Variants in TMEM132C observed in about 807,000 individuals in gnomAD.
TMEM132C encodes transmembrane protein 132C, also known as protein phosphatase 1, regulatory subunit 152.
A neutral mutation model predicts 61.4 loss-of-function variants in TMEM132C; 29 were observed. The ratio of observed to expected loss-of-function variants is 0.47; its 90% CI spans 0.35 to 0.64. The LOEUF (loss-of-function observed/expected upper bound fraction) is 0.64. Ranked by LOEUF, TMEM132C falls within the 30% of genes least tolerant of loss-of-function variation. The pLI, the probability that TMEM132C is intolerant of heterozygous loss-of-function variation, is 0.00. For synonymous variants in TMEM132C, 656 were observed against 633.1 expected, an observed-to-expected ratio of 1.04 and a Z score of -0.54; for missense variants, 1,408 against 1,476.9, an observed-to-expected ratio of 0.95 and a Z score of 0.76.
At chr12:128,575,983 G>C (rs1312140395) in intron 3 of TMEM132C, among the ~76,000 whole-genome samples, 3 of 152,186 alleles carry the variant, frequency 2.0e-5, no homozygotes, top group Non-Finnish European at 4.4e-5. Flanking sequence ...TTCATGGTCA[G>C]GACCTAAACT....
At chr12:128,271,267 T>TAATATAATA (rs140971953) in intron 1 of TMEM132C, among the ~76,000 whole-genome samples, 3 of 143,032 alleles carry the variant, frequency 2.1e-5, no homozygotes, top group Non-Finnish European at 4.5e-5. Flanking sequence ...ATAATAATAA[T>TAATATAATA]ATAATAATAA....
At chr12:128,512,093 TTC>T (rs1473666216) in intron 2 of TMEM132C, among the ~76,000 whole-genome samples, 1 of 152,144 alleles carries the variant, frequency 6.6e-6, no homozygotes, top group Non-Finnish European at 1.5e-5. Flanking sequence ...AGTTTTTTTT[TTC>T]TTTTTCTTTT....
intron 2 of TMEM132C, among the ~76,000 whole-genome samples, chr12:128,493,457 C>T (rs374880515): frequency 3.9e-5 from 6 of 152,160 alleles, no homozygotes; most frequent in African/African-American, 1.4e-4. Context: ...GCCATTTTCA[C>T]AGTATTGATT....
chr12:128,703,232 T>C (rs1954815372), intron 8 of TMEM132C, among the ~76,000 whole-genome samples: 1 of 152,194 alleles, frequency 6.6e-6, no homozygotes. Flanking sequence ...TTGTACAGAT[T>C]ATTTCATGAC....
chr12:128,528,486 T>A (rs1873171350), intron 2 of TMEM132C, among the ~76,000 whole-genome samples: 1 of 152,202 alleles, frequency 6.6e-6, no homozygotes. Flanking sequence ...TGGGCTATTC[T>A]GCTGATCACA....
chr12:128,601,665 T>A (rs1876192971), intron 3 of TMEM132C, among the ~76,000 whole-genome samples: 1 of 149,484 alleles, frequency 6.7e-6, no homozygotes, highest in African/African-American at 2.4e-5. Context: ...GGAGGGCGCT[T>A]GGCGGGTTGG....
chr12:128,515,343 G>C (rs573204357), intron 2 of TMEM132C, among the ~76,000 whole-genome samples: 1 of 152,194 alleles, frequency 6.6e-6, no homozygotes, highest in Non-Finnish European at 1.5e-5. Flanking sequence ...AGCTGCGGCA[G>C]CCTTTCTGTG....
intron 4 of TMEM132C, among the ~76,000 whole-genome samples, chr12:128,631,828 G>T (rs775563224): frequency 2.0e-5 from 3 of 152,164 alleles, no homozygotes; most frequent in Non-Finnish European, 2.9e-5. Context: ...CCAGTAAAAA[G>T]TCTGCCTCTT....
At chr12:128,493,559 C>T (rs571173260) in intron 2 of TMEM132C, among the ~76,000 whole-genome samples, 25 of 152,218 alleles carry the variant, frequency 1.6e-4, no homozygotes, top group African/African-American at 5.5e-4. Flanking sequence ...TTGAAGAGGT[C>T]CTTCACATCC....
intron 4 of TMEM132C, among the ~76,000 whole-genome samples, chr12:128,639,333 G>C (rs1954136479): frequency 1.3e-5 from 2 of 151,950 alleles, no homozygotes; most frequent in African/African-American, 4.8e-5. Context: ...TGATGATGGT[G>C]ATGATGTTGG....
Position 128,429,645 on chromosome 12 carries a change from C to T in TMEM132C, c.974+14025C>T, listed in dbSNP as rs913514803. On this transcript the variant is annotated intron_variant, in intron 2 of 8. Coordinates refer to ENST00000435159, the MANE Select transcript of TMEM132C (RefSeq NM_001136103.3). ...TGTTCACCAAGGAGCAAGGAGCTAA[C>T]CTAGTTAGCCTATACTTTGTAATAA... Among the ~76,000 whole-genome samples the T allele has an allele frequency of 2.0e-4, 31 of 152,254 alleles. No individual in the cohort carries two copies. The East Asian group carries it at 5.8e-3, about 28-fold the overall frequency.
At chr12:128,583,869 A>T (rs958018768) in intron 3 of TMEM132C, among the ~76,000 whole-genome samples, 13 of 152,216 alleles carry the variant, frequency 8.5e-5, no homozygotes, top group African/African-American at 3.1e-4. Flanking sequence ...TCCTGCAGAG[A>T]AAAAGCTGAA....
rs530460874 is a variant in TMEM132C at position 128,348,149 on chromosome 12, C to T, written c.86-66583C>T. On this transcript the variant is annotated intron_variant, in intron 1 of 8. Coordinates refer to ENST00000435159, the MANE Select transcript of TMEM132C (RefSeq NM_001136103.3). ...TGTAGTTTTCTGAGTACAAGTCTTG[C>T]ACTTCCTTTGTTAAATTGATGCCTA... Among the ~76,000 whole-genome samples, 70 of 152,306 alleles carry T rather than the reference C, an allele frequency of 4.6e-4. No homozygotes were observed. In the South Asian group the frequency reaches 0.013, roughly 28 times the overall value.
intron 3 of TMEM132C, among the ~76,000 whole-genome samples, chr12:128,568,802 C>A (rs945619365): frequency 1.3e-5 from 2 of 152,210 alleles, no homozygotes; most frequent in African/African-American, 4.8e-5. Context: ...TTTCTACTAA[C>A]AAGATCCAAA....
chr12:128,652,592 G>A (rs922078354), intron 4 of TMEM132C, among the ~76,000 whole-genome samples: 5 of 152,238 alleles, frequency 3.3e-5, no homozygotes, highest in African/African-American at 7.2e-5. Flanking sequence ...ATGCCTCCAC[G>A]TGCCTATAAG....
intron 4 of TMEM132C, among the ~76,000 whole-genome samples, chr12:128,667,386 G>A (rs1369432021): frequency 6.6e-6 from 1 of 152,108 alleles, no homozygotes; most frequent in African/African-American, 2.4e-5. Context: ...ATAGACCTGG[G>A]GAATTTCTAA....
intron 1 of TMEM132C, chr12:128,288,250 G>T (rs558569056): frequency 1.3e-5 from 2 of 152,080 alleles, no homozygotes; most frequent in South Asian, 2.1e-4. Flanking sequence ...TGGAGATGGG[G>T]TTTCTCCATG....
chr12:128,678,366 C>T (rs148864535), intron 5 of TMEM132C, among the ~76,000 whole-genome samples: 18 of 152,282 alleles, frequency 1.2e-4, no homozygotes, highest in East Asian at 3.9e-4. Context: ...AAAGCAAGGA[C>T]GCTCATTCCT....
intron 1 of TMEM132C, among the ~76,000 whole-genome samples, chr12:128,360,777 C>A (rs1395040958): frequency 6.6e-6 from 1 of 152,200 alleles, no homozygotes; most frequent in Admixed American, 6.5e-5. Flanking sequence ...TAGGAGCCGC[C>A]TTGATCCCTG....
Sources: gnomAD v4.1 joint callset for allele counts (sites outside exome capture counted in the v4.1 genomes callset) on GRCh38, gnomAD v4.1.1 for gene constraint, MANE v1.5 for transcripts, NCBI Gene and HGNC (gene_info 2026-07-23, HGNC 2026-07-21) for gene names.